Variants in KLHDC4 observed in about 807,000 individuals in gnomAD.
KLHDC4 encodes kelch domain containing 4.
KLHDC4 carries 90 observed loss-of-function variants against 62.4 expected under a neutral mutation model. The observed-to-expected ratio is 1.44, with a 90% CI of 1.22 to 1.72. KLHDC4 has a LOEUF of 1.72. Ranked by LOEUF, KLHDC4 falls within the 40% of genes most tolerant of loss-of-function variation. The pLI is 0.00. For synonymous variants in KLHDC4, 386 were observed against 284.4 expected (o/e 1.36, Z -3.59); for missense variants, 1,025 against 699.7 (o/e 1.47, Z -5.25).
At chr16:87,700,945 C>T (rs2034117795) in exon 1 of KLHDC4, 2 of 241,830 alleles carry the variant, frequency 8.3e-6, no homozygotes, top group South Asian at 7.5e-5. Context: ...GCTTCTCTCG[C>T]GCCCAGGCCG....
downstream of KLHDC4, among the ~76,000 whole-genome samples, chr16:87,704,527 G>A (rs568275428): frequency 7.2e-6 from 1 of 139,416 alleles, no homozygotes; most frequent in South Asian, 2.5e-4. Flanking sequence ...CCTGGGGAGG[G>A]CCCTGGGGAG....
intron 4 of KLHDC4, among the ~76,000 whole-genome samples, chr16:87,749,274 T>C (rs1204906929): frequency 2.0e-5 from 3 of 152,078 alleles, no homozygotes; most frequent in African/African-American, 7.2e-5. Flanking sequence ...AGTGTTTATG[T>C]GCCAGGCGCG....
At chr16:87,713,669 A>T (rs1397971585) in intron 8 of KLHDC4, among the ~76,000 whole-genome samples, 1 of 152,122 alleles carries the variant, frequency 6.6e-6, no homozygotes, top group African/African-American at 2.4e-5. Context: ...TCATCTCAGC[A>T]CATGACCCAC....
chr16:87,728,713 G>A (rs555323357), intron 6 of KLHDC4, among the ~76,000 whole-genome samples: 53 of 152,196 alleles, frequency 3.5e-4, no homozygotes, highest in African/African-American at 1.2e-3. Flanking sequence ...AGGCGCGGGG[G>A]CTCAAGCCTA....
intron 1 of KLHDC4, chr16:87,765,198 G>A (rs1275727910): frequency 2.2e-6 from 1 of 455,954 alleles, no homozygotes; most frequent in Admixed American, 2.4e-5. Context: ...TCCTCCTGCA[G>A]ACCCCGGGCT....
rs749875175 is a variant in KLHDC4 at position 87,726,827 on chromosome 16, C to G, written c.697G>C (p.Gly233Arg). Residue 233 changes from glycine (G) to arginine (R), a missense_variant, in exon 7 of 12, where the codon GGC (glycine) becomes CGC (arginine). Gly to Arg is a moderately radical substitution (Grantham distance 125). Coordinates refer to ENST00000270583, the MANE Select transcript of KLHDC4 (RefSeq NM_017566.4). ...PSGTGPTPRS[G>R]CQMSVTPQGG... ...TGGGGAGTGACGGACATCTGGCAGC[C>G]TGATCTGGGTGTGGGCCCCGTCCCT... The G allele has an allele frequency of 6.2e-7, 1 of 1,611,996 alleles. No individual in the cohort carries two copies. Among genetic ancestry groups the G allele is most frequent in the East Asian group, 2.2e-5 (1 of 44,514 alleles).
At chr16:87,755,341 G>A (rs1478465721) in intron 3 of KLHDC4, 49 bp from the exon 4 acceptor site, 1 of 993,220 alleles carries the variant, frequency 1.0e-6, no homozygotes, top group East Asian at 2.4e-5. Context: ...ACGCTTCCAA[G>A]GAAGTGGTGA....
intron 2 of KLHDC4, among the ~76,000 whole-genome samples, chr16:87,761,589 A>C (rs2045905150): frequency 6.6e-6 from 1 of 152,240 alleles, no homozygotes; most frequent in Non-Finnish European, 1.5e-5. Context: ...ACACATCAAA[A>C]GGCCACAGTG....
At position 87,730,532 on chromosome 16, in the gene KLHDC4, T is replaced by C. The variant is rs1409671775; in HGVS notation, c.599+20A>G. 3 of 1,589,706 alleles carry C rather than the reference T, an allele frequency of 1.9e-6. No individual in the cohort carries two copies. Among genetic ancestry groups the C allele is most frequent in the Non-Finnish European group, 2.6e-6 (3 of 1,168,070 alleles). Reference sequence around the variant, plus strand: ...CTTAATGCTTCAGGAGAGAAAGATTTTTCCGTTCTTGGTACCAACCGTGTA... The same window carrying C: ...CTTAATGCTTCAGGAGAGAAAGATTCTTCCGTTCTTGGTACCAACCGTGTA... On this transcript the variant is annotated intron_variant, in intron 6 of 11. Coordinates refer to ENST00000270583, the MANE Select transcript of KLHDC4 (RefSeq NM_017566.4).
chr16:87,756,371 G>A (rs767778356), intron 3 of KLHDC4, 28 bp downstream of exon 3: 151 of 1,525,834 alleles, frequency 9.9e-5, no homozygotes, highest in Non-Finnish European at 1.3e-4. Context: ...CGCAACATGG[G>A]AAGAAAAGAA....
At chr16:87,758,170 A>G (rs960754362) in intron 2 of KLHDC4, among the ~76,000 whole-genome samples, 2 of 152,184 alleles carry the variant, frequency 1.3e-5, no homozygotes, top group Non-Finnish European at 2.9e-5. Flanking sequence ...TTTCTGCAGG[A>G]AAGAAACCAG....
chr16:87,756,358 T>C lies in KLHDC4; in HGVS notation c.270+41A>G, dbSNP rs781021287. On this transcript the variant is annotated intron_variant, in intron 3 of 11. Transcript: ENST00000270583. ...AAGTTAACTTTCTGTCAAATGATAC[T>C]CACGCAACATGGGAAGAAAAGAAAA... 3.6e-6 allele frequency: 5 copies of C among 1,400,762 alleles called. No individual in the cohort carries two copies. The South Asian group carries it at 4.6e-5, about 13-fold the overall frequency. The allele number at this position is 1,400,762 out of a possible 1,614,324, so 86.8% of individuals were successfully genotyped here. A position where few individuals can be genotyped will look rare whatever the true frequency, so the allele number is the denominator to read the frequency against.
intron 5 of KLHDC4, among the ~76,000 whole-genome samples, chr16:87,735,668 C>T (rs1567747888): frequency 1.3e-5 from 2 of 152,232 alleles, no homozygotes; most frequent in South Asian, 4.1e-4. Context: ...TTAAAAAGCC[C>T]ATTTATATTT....
At position 87,702,101 on chromosome 16, in the gene KLHDC4, C is replaced by T. The variant is rs532969982; in HGVS notation, c.414G>A (p.Pro138=). 32 of 456,302 alleles carry T rather than the reference C, an allele frequency of 7.0e-5. No homozygotes were observed. In the Middle Eastern group the frequency reaches 2.9e-3, roughly 42 times the overall value. The allele number at this position is 456,302 out of a possible 1,614,324, so 28.3% of individuals were successfully genotyped here. A position where few individuals can be genotyped will look rare whatever the true frequency, so the allele number is the denominator to read the frequency against. ...TGACCCCCGAGATCAGAACAGCCTT[C>T]GGGTCCCAGAGCTTCCCGCATGATC... The change falls in exon 1 of 1, where the codon CCG becomes CCA. Residue 138 remains proline (P), a synonymous_variant. Transcript: ENST00000446344.
At chr16:87,730,043 T>G (rs1024771132) in intron 6 of KLHDC4, among the ~76,000 whole-genome samples, 6 of 152,232 alleles carry the variant, frequency 3.9e-5, no homozygotes, top group Non-Finnish European at 8.8e-5. Context: ...AACCTCCATC[T>G]CCTGGGTTCA....
chr16:87,703,695 G>A (rs900890911), downstream of KLHDC4, among the ~76,000 whole-genome samples: 1 of 152,174 alleles, frequency 6.6e-6, no homozygotes, highest in Admixed American at 6.5e-5. Flanking sequence ...TCTGAAGGTT[G>A]AGACAAGGAA....
intron 6 of KLHDC4, among the ~76,000 whole-genome samples, chr16:87,727,454 G>A (rs1420323751): frequency 1.3e-5 from 2 of 152,202 alleles, no homozygotes; most frequent in Non-Finnish European, 2.9e-5. Context: ...AGGCCCCACA[G>A]TGGACTGGAG....
intron 6 of KLHDC4, among the ~76,000 whole-genome samples, chr16:87,729,903 C>T (rs1240263858): frequency 1.3e-5 from 2 of 152,194 alleles, no homozygotes; most frequent in East Asian, 3.8e-4. Context: ...TCTAACCAGC[C>T]CTCTAGGGTA....
intron 4 of KLHDC4, among the ~76,000 whole-genome samples, chr16:87,754,878 C>T (rs761833761): frequency 6.6e-6 from 1 of 152,210 alleles, no homozygotes; most frequent in Non-Finnish European, 1.5e-5. Context: ...CTCCTGTCTT[C>T]ACCATCTAGT....
Sources: allele counts gnomAD v4.1 joint callset (sites outside exome capture counted in the v4.1 genomes callset), GRCh38; gene constraint gnomAD v4.1.1; transcripts MANE v1.5; gene names NCBI Gene and HGNC (gene_info 2026-07-23, HGNC 2026-07-21).